The following IL1RAPL2 variants were observed in gnomAD, a reference collection of about 807,000 sequenced individuals.
IL1RAPL2 encodes the protein X-linked interleukin-1 receptor accessory protein-like 2.
IL1RAPL2 carries 3 observed loss-of-function variants against 44.1 expected under a neutral mutation model. That is an observed-to-expected ratio of 0.07 (90% CI 0.03 to 0.18). IL1RAPL2 has a LOEUF of 0.18. Ranked by LOEUF, IL1RAPL2 falls within the 10% of genes least tolerant of loss-of-function variation. The pLI is 1.00. For synonymous variants in IL1RAPL2, 181 were observed against 178.8 expected (o/e 1.01, Z -0.10); for missense variants, 391 against 496.4 (o/e 0.79, Z 2.02).
chrX:104,590,257 C>G (rs1928638137), intron 1 of IL1RAPL2, among the ~76,000 whole-genome samples: 1 of 111,403 alleles, frequency 9.0e-6, no homozygotes, highest in African/African-American at 3.3e-5. Context: ...GTTGGTCAGG[C>G]TGGTCTTGAA....
At chrX:104,626,517 T>C (rs1255016941) in intron 1 of IL1RAPL2, among the ~76,000 whole-genome samples, 1 of 111,154 alleles carries the variant, frequency 9.0e-6, no homozygotes, top group Non-Finnish European at 1.9e-5. Flanking sequence ...TAATTCTGCA[T>C]TGATGGTCAC....
chrX:105,237,550 G>A (rs782519969), intron 4 of IL1RAPL2, among the ~76,000 whole-genome samples: 2 of 111,953 alleles, frequency 1.8e-5, no homozygotes, highest in East Asian at 5.6e-4. Flanking sequence ...ACTGGTGTGA[G>A]ATGGTATCTC....
chrX:105,324,313 C>A (rs993003894), intron 5 of IL1RAPL2, among the ~76,000 whole-genome samples: 2 of 111,459 alleles, frequency 1.8e-5, no homozygotes, highest in African/African-American at 6.5e-5. Flanking sequence ...AATAGATGTA[C>A]TGCACATTCT....
intron 7 of IL1RAPL2, among the ~76,000 whole-genome samples, chrX:105,718,299 T>C (rs1256821850): frequency 2.7e-5 from 3 of 111,727 alleles, no homozygotes; most frequent in Non-Finnish European, 5.6e-5. Context: ...AGTTTATTCC[T>C]TCAGTTTTCT....
At chrX:105,652,364 T>C (rs924553039) in intron 6 of IL1RAPL2, among the ~76,000 whole-genome samples, 11 of 111,636 alleles carry the variant, frequency 9.9e-5, no homozygotes, top group African/African-American at 3.6e-4. Context: ...TGTGTCCTCT[T>C]TTCTAACTAA....
At chrX:105,218,116 G>T (rs1438755680) in intron 3 of IL1RAPL2, among the ~76,000 whole-genome samples, 1 of 111,211 alleles carries the variant, frequency 9.0e-6, no homozygotes, top group Non-Finnish European at 1.9e-5. Context: ...AAAAAAATCT[G>T]TCCACCCACT....
chrX:105,678,871 C>CAT (rs956639240), intron 6 of IL1RAPL2, among the ~76,000 whole-genome samples: 1 of 110,896 alleles, frequency 9.0e-6, no homozygotes, highest in Admixed American at 9.7e-5. Flanking sequence ...ATAACTAAAA[C>CAT]ATATTATAAT....
intron 1 of IL1RAPL2, among the ~76,000 whole-genome samples, chrX:104,639,117 G>T (rs1329596270): frequency 9.0e-6 from 1 of 111,389 alleles, no homozygotes; most frequent in African/African-American, 3.3e-5. Flanking sequence ...GAACTTTTTT[G>T]TCTTTTTTTT....
At position 104,572,434 on chromosome X, in the gene IL1RAPL2, G is replaced by A. The variant is rs1166287023; in HGVS notation, c.-20+5383G>A. 3.6e-5 allele frequency among the ~76,000 whole-genome samples: 4 copies of A among 111,618 alleles called. No homozygotes were observed. The Admixed American group carries it at 3.8e-4, about 11-fold the overall frequency. ...ATAACCTTTGTTATATATCTTTTGTGCCCTTGCTTATGCCATTCTTTTCCC... is the reference window on the plus strand; with the variant it reads ...ATAACCTTTGTTATATATCTTTTGTACCCTTGCTTATGCCATTCTTTTCCC... On this transcript the variant is annotated intron_variant, in intron 1 of 10. Coordinates refer to ENST00000372582, the MANE Select transcript of IL1RAPL2 (RefSeq NM_017416.2).
chrX:104,722,164 T>G (rs1342700593), intron 2 of IL1RAPL2, among the ~76,000 whole-genome samples: 1 of 110,960 alleles, frequency 9.0e-6, no homozygotes, highest in Non-Finnish European at 1.9e-5. Flanking sequence ...TACTTCAGGG[T>G]CATAGGCCAT....
intron 5 of IL1RAPL2, among the ~76,000 whole-genome samples, chrX:105,395,442 A>G (rs2035555120): frequency 1.8e-5 from 2 of 110,567 alleles, no homozygotes; most frequent in Admixed American, 9.7e-5. Context: ...GGCTGAGAAG[A>G]GTATAATGAG....
At chrX:104,602,093 C>T (rs1928894963) in intron 1 of IL1RAPL2, among the ~76,000 whole-genome samples, 2 of 111,809 alleles carry the variant, frequency 1.8e-5, no homozygotes, top group Non-Finnish European at 3.8e-5. Context: ...GTGAGATTGA[C>T]ACAGAGACGG....
intron 6 of IL1RAPL2, among the ~76,000 whole-genome samples, chrX:105,542,668 CTT>C (rs1158618358): frequency 1.8e-4 from 17 of 96,389 alleles, no homozygotes; most frequent in African/African-American, 6.6e-4. Flanking sequence ...AATAGATTCT[CTT>C]TTTTTTTTAT....
intron 2 of IL1RAPL2, among the ~76,000 whole-genome samples, chrX:104,926,780 T>C (rs1924784342): frequency 8.9e-6 from 1 of 111,734 alleles, no homozygotes; most frequent in Non-Finnish European, 1.9e-5. Context: ...TTTTGAATTG[T>C]TCCACTGCTC....
intron 2 of IL1RAPL2, among the ~76,000 whole-genome samples, chrX:104,877,791 C>T (rs766051153): frequency 3.6e-5 from 4 of 110,551 alleles, no homozygotes; most frequent in East Asian, 5.7e-4. Flanking sequence ...AAGGAGATAA[C>T]GTAAACTCAG....
intron 6 of IL1RAPL2, among the ~76,000 whole-genome samples, chrX:105,676,513 T>C (rs1031787903): frequency 2.7e-5 from 3 of 111,663 alleles, no homozygotes; most frequent in Non-Finnish European, 5.7e-5. Flanking sequence ...TTAGGGACTA[T>C]ACACAGGAAA....
chrX:105,463,666 T>A (rs919954038), intron 5 of IL1RAPL2, among the ~76,000 whole-genome samples: 2 of 110,816 alleles, frequency 1.8e-5, no homozygotes, highest in African/African-American at 6.6e-5. Context: ...GTGAGAATAA[T>A]GAGTCAAAGA....
chrX:105,406,838 C>T (rs943724373), intron 5 of IL1RAPL2: 20 of 1,141,332 alleles, frequency 1.8e-5, no homozygotes, highest in African/African-American at 3.6e-5. Flanking sequence ...AGTCAGATGA[C>T]AGGAATTAAC....
intron 6 of IL1RAPL2, among the ~76,000 whole-genome samples, chrX:105,704,356 C>T (rs1279620510): frequency 9.0e-6 from 1 of 111,379 alleles, no homozygotes; most frequent in Non-Finnish European, 1.9e-5. Context: ...ATCAACTCAA[C>T]TAAGATATCT....
Sources: gnomAD v4.1 joint callset for allele counts (sites outside exome capture counted in the v4.1 genomes callset) on GRCh38, gnomAD v4.1.1 for gene constraint, MANE v1.5 for transcripts, NCBI Gene and HGNC (gene_info 2026-07-23, HGNC 2026-07-21) for gene names.